RAPH1: variants seen among roughly 807,000 people sequenced by gnomAD.
RAPH1 encodes the protein ras-associated and pleckstrin homology domains-containing protein 1.
A neutral mutation model predicts 88.1 loss-of-function variants in RAPH1; 18 were observed. The observed-to-expected ratio is 0.20, with a 90% CI of 0.14 to 0.30. The LOEUF is 0.30. RAPH1 is among the 10% of genes least tolerant of loss of function. The pLI, the probability that RAPH1 is intolerant of heterozygous loss-of-function variation, is 1.00. For missense variants in RAPH1, 1,448 were observed against 1,543.2 expected (o/e 0.94, Z 1.03); for synonymous variants, 587 against 559.0 (o/e 1.05, Z -0.71).
At chr2:203,506,398 C>G (rs1042271407) in intron 1 of RAPH1, among the ~76,000 whole-genome samples, 2 of 151,840 alleles carry the variant, frequency 1.3e-5, no homozygotes, top group African/African-American at 2.4e-5. Context: ...CAAAAAGTAA[C>G]AGACACCTGG....
At chr2:203,477,671 T>C (rs1188244213) in intron 4 of RAPH1, among the ~76,000 whole-genome samples, 1 of 152,216 alleles carries the variant, frequency 6.6e-6, no homozygotes, top group Non-Finnish European at 1.5e-5. Flanking sequence ...CCCATATTTT[T>C]ATCCTCCCCT....
At chr2:203,453,896 A>G (rs543214446) in intron 10 of RAPH1, among the ~76,000 whole-genome samples, 1 of 152,170 alleles carries the variant, frequency 6.6e-6, no homozygotes, top group Non-Finnish European at 1.5e-5. Flanking sequence ...CAAGAAGTAC[A>G]AAAGCTTGAA....
At chr2:203,502,883 C>T (rs1423264157) in intron 1 of RAPH1, among the ~76,000 whole-genome samples, 1 of 151,630 alleles carries the variant, frequency 6.6e-6, no homozygotes. Context: ...GTGGCTCACA[C>T]CTGTAATCCC....
intron 13 of RAPH1, chr2:203,444,596 A>G (rs1478933912): frequency 2.9e-5 from 12 of 413,406 alleles, no homozygotes; most frequent in Non-Finnish European, 4.2e-5. Flanking sequence ...AATCTGAGCC[A>G]CTGATGAAAG....
intron 4 of RAPH1, among the ~76,000 whole-genome samples, chr2:203,480,203 G>A (rs1687660341): frequency 1.3e-5 from 2 of 152,164 alleles, no homozygotes; most frequent in African/African-American, 4.8e-5. Context: ...AAAACAAAGT[G>A]CCATTTACAA....
intron 1 of RAPH1, among the ~76,000 whole-genome samples, chr2:203,495,623 T>C (rs1015918208): frequency 6.6e-6 from 1 of 152,012 alleles, no homozygotes; most frequent in Non-Finnish European, 1.5e-5. Flanking sequence ...ACTAAAAAAA[T>C]TAACAGAGCA....
chr2:203,447,699 GAAT>G (rs1412006351), intron 12 of RAPH1: 3 of 271,184 alleles, frequency 1.1e-5, no homozygotes, highest in Non-Finnish European at 2.1e-5. Flanking sequence ...TGTATGTTTT[GAAT>G]AAATTTTATA....
chr2:203,495,678 C>T (rs890591631), intron 1 of RAPH1, among the ~76,000 whole-genome samples: 1 of 152,050 alleles, frequency 6.6e-6, no homozygotes, highest in Non-Finnish European at 1.5e-5. Context: ...CAGTTCTCTC[C>T]ACTACTAGAT....
At position 203,439,114 on chromosome 2, in the gene RAPH1, TAA is replaced by T. The variant is rs1333577138; in HGVS notation, c.*321_*322del. On this transcript the variant is annotated 3_prime_UTR_variant, in exon 14 of 14. Coordinates refer to ENST00000319170, the MANE Select transcript of RAPH1 (RefSeq NM_213589.3). ...TCCAATCCACATGATATAGAAATCTTAAGAGACAACACACATCCCCTTCTATG... is the reference window on the plus strand; with the variant it reads ...TCCAATCCACATGATATAGAAATCTTGAGACAACACACATCCCCTTCTATG... 2.0e-5 allele frequency: 5 copies of T among 247,066 alleles called. No homozygotes were observed. In the East Asian group the frequency reaches 2.3e-4, roughly 11 times the overall value. The allele number at this position is 247,066 out of a possible 1,614,324, so 15.3% of individuals were successfully genotyped here.
intron 4 of RAPH1, among the ~76,000 whole-genome samples, chr2:203,466,780 C>T (rs1351858803): frequency 1.3e-5 from 2 of 152,228 alleles, no homozygotes; most frequent in Admixed American, 1.3e-4. Context: ...CTATCAATAA[C>T]CACCAATGCC....
chr2:203,435,001 A>G lies in RAPH1; in HGVS notation c.*4436T>C, dbSNP rs2098497244. 6.6e-6 allele frequency: 1 copy of G among 152,654 alleles called. No individual in the cohort carries two copies. The highest frequency in any genetic ancestry group is 2.4e-5 in the African/African-American group (1 of 41,460). 9.5% of individuals were successfully genotyped at this position (152,654 alleles called of 1,614,324 possible). On this transcript the variant is annotated 3_prime_UTR_variant, in exon 14 of 14. Transcript: ENST00000319170. The stretch of plus-strand genomic sequence containing the variant: ...ATTTCTTTAAAAATATTCTGCCAAA[A>G]GAGTTGAAGGCACTGGGGGTTTACA...
chr2:203,454,482 T>C lies in RAPH1; in HGVS notation c.1361A>G (p.Gln454Arg), dbSNP rs1276242425. ...TGCTTTGTATTTGTTCCGATAGTCCTGGCCATAATAAACGTTGACATGATC... is the reference window on the plus strand; with the variant it reads ...TGCTTTGTATTTGTTCCGATAGTCCCGGCCATAATAAACGTTGACATGATC... ...QLDHVNVYYG[Q>R]DYRNKYKAPT... The change falls in exon 10 of 14, where the codon CAG becomes CGG. Residue 454 changes from glutamine (Q) to arginine (R), a missense_variant. Physicochemically the swap from Gln to Arg is conservative, Grantham distance 43. Transcript: ENST00000319170. The C allele has an allele frequency of 1.2e-6, 2 of 1,613,872 alleles. No individual in the cohort carries two copies. The highest frequency in any genetic ancestry group is 1.1e-5 in the South Asian group (1 of 91,018).
In RAPH1 at chr2:203,440,582, G is replaced by A; in HGVS notation, c.2608C>T (p.Pro870Ser). 2 of 1,554,144 alleles carry A rather than the reference G, an allele frequency of 1.3e-6. No homozygotes were observed. Among genetic ancestry groups the A allele is most frequent in the Non-Finnish European group, 1.7e-6 (2 of 1,149,624 alleles). Residue 870 changes from proline (P) to serine (S), a missense_variant, in exon 14 of 14, where the codon CCA (proline) becomes TCA (serine). By Grantham distance (74) the Pro-to-Ser change is moderately conservative. Coordinates refer to ENST00000319170, the MANE Select transcript of RAPH1 (RefSeq NM_213589.3). ...SVVKQIASQFPPPPTPPAMES... is the reference protein window; with the variant it reads ...SVVKQIASQFSPPPTPPAMES... ...ATGGCAGGGGGAGTTGGAGGGGGTGGAAACTGGCTGGCTATCTGCTTCACG... is the reference window on the plus strand; with the variant it reads ...ATGGCAGGGGGAGTTGGAGGGGGTGAAAACTGGCTGGCTATCTGCTTCACG...
chr2:203,502,121 T>C (rs1035893779), intron 1 of RAPH1, among the ~76,000 whole-genome samples: 2 of 152,218 alleles, frequency 1.3e-5, no homozygotes, highest in African/African-American at 2.4e-5. Context: ...AGAAGCTTCA[T>C]AGAAGCAAGC....
intron 4 of RAPH1, among the ~76,000 whole-genome samples, chr2:203,472,479 G>A (rs1418146182): frequency 1.3e-5 from 2 of 152,146 alleles, no homozygotes; most frequent in South Asian, 2.1e-4. Context: ...AAAAATAAAA[G>A]AGCAACTATA....
chr2:203,485,572 A>G (rs1341853270), intron 4 of RAPH1, among the ~76,000 whole-genome samples: 3 of 152,184 alleles, frequency 2.0e-5, no homozygotes, highest in Admixed American at 1.3e-4. Flanking sequence ...GAGATATTCT[A>G]TATTTAATTC....
chr2:203,448,135 G>A lies in RAPH1; in HGVS notation c.1513-56C>T. Reference sequence around the variant, plus strand: ...AAACTTTACTGAGTATGATACAGAAGGATAAGGTGAAATGGGGGACATATT... The same window carrying A: ...AAACTTTACTGAGTATGATACAGAAAGATAAGGTGAAATGGGGGACATATT... On this transcript the variant is annotated intron_variant, in intron 11 of 13. Coordinates refer to ENST00000319170, the MANE Select transcript of RAPH1 (RefSeq NM_213589.3). The surrounding 1 kb of genome is among the most constrained non-coding windows in gnomAD (Gnocchi z 4.1). 6.4e-7 allele frequency: 1 copy of A among 1,555,998 alleles called. No homozygotes were observed. The highest frequency in any genetic ancestry group is 8.8e-7 in the Non-Finnish European group (1 of 1,138,010).
intron 1 of RAPH1, among the ~76,000 whole-genome samples, chr2:203,506,806 CTA>C (rs1559494440): frequency 2.1e-4 from 19 of 90,540 alleles, no homozygotes; most frequent in African/African-American, 8.0e-4. Context: ...ATATATATAT[CTA>C]TATCTATATA....
rs1052761683 is a variant in RAPH1 at position 203,450,219 on chromosome 2, C to G, written c.1414-1383G>C. ...TATCTGCATTGTTAAAGATCAATCA[C>G]TCTGGTCTACAATGAGGGAAAAAAA... On this transcript the variant is annotated intron_variant, in intron 10 of 13. Transcript: ENST00000319170. Among the ~76,000 whole-genome samples the G allele has an allele frequency of 2.0e-5, 3 of 152,086 alleles. 1 individual carries two copies. In the South Asian group the frequency reaches 6.2e-4, roughly 32 times the overall value.
Sources: gnomAD v4.1 joint callset for allele counts (sites outside exome capture counted in the v4.1 genomes callset) on GRCh38, gnomAD v4.1.1 for gene constraint, Gnocchi (gnomAD v3.1) non-coding constraint, MANE v1.5 for transcripts, NCBI Gene and HGNC (gene_info 2026-07-23, HGNC 2026-07-21) for gene names.